Variants in PTPRD observed in about 807,000 individuals in gnomAD.
The protein encoded by PTPRD is receptor-type tyrosine-protein phosphatase delta.
In PTPRD, 34 loss-of-function variants were observed where a neutral mutation model predicts 214.5. That is an observed-to-expected ratio of 0.16 (90% confidence interval 0.12 to 0.21). PTPRD has a LOEUF of 0.21. PTPRD is among the 10% of genes least tolerant of loss of function. The pLI is 1.00. For synonymous variants in PTPRD, 1,128 were observed against 845.7 expected (o/e 1.33, Z -5.79); for missense variants, 2,545 against 2,398.7 (o/e 1.06, Z -1.27).
intron 5 of PTPRD, among the ~76,000 whole-genome samples, chr9:9,854,699 G>GT (rs543963693): frequency 1.8e-4 from 27 of 151,812 alleles, no homozygotes; most frequent in South Asian, 8.3e-4. Flanking sequence ...TTATAATCCA[G>GT]TTTTTTTTAA....
At chr9:10,018,195 G>C (rs1274149672) in intron 4 of PTPRD, among the ~76,000 whole-genome samples, 5 of 52,710 alleles carry the variant, frequency 9.5e-5, no homozygotes, top group Non-Finnish European at 3.8e-4. Context: ...AAGAGGAGGA[G>C]AGAGAGAGAA....
intron 8 of PTPRD, among the ~76,000 whole-genome samples, chr9:9,499,730 C>A (rs914045358): frequency 6.6e-6 from 1 of 151,962 alleles, no homozygotes; most frequent in Non-Finnish European, 1.5e-5. Context: ...ATACTTAAAA[C>A]AAAACACAAG....
chr9:10,579,589 G>A (rs2070924723), intron 2 of PTPRD, among the ~76,000 whole-genome samples: 1 of 152,158 alleles, frequency 6.6e-6, no homozygotes, highest in South Asian at 2.1e-4. Flanking sequence ...AAGCGCATGA[G>A]TGTTTTTGGT....
chr9:10,015,933 CCT>C (rs990479469), intron 4 of PTPRD, among the ~76,000 whole-genome samples: 2 of 152,048 alleles, frequency 1.3e-5, no homozygotes, highest in Non-Finnish European at 2.9e-5. Flanking sequence ...GTCCCATAAA[CCT>C]CTCTCTCTAA....
At chr9:9,341,368 G>A (rs2046732860) in intron 9 of PTPRD, among the ~76,000 whole-genome samples, 2 of 152,070 alleles carry the variant, frequency 1.3e-5, no homozygotes, top group African/African-American at 4.8e-5. Flanking sequence ...GCTCCAACGT[G>A]AACTCATTAT....
At chr9:8,330,147 G>A (rs1300101786) in intron 44 of PTPRD, among the ~76,000 whole-genome samples, 4 of 152,074 alleles carry the variant, frequency 2.6e-5, no homozygotes, top group African/African-American at 9.7e-5. Context: ...CTGACCCCTT[G>A]TGCTTCCTGG....
intron 7 of PTPRD, among the ~76,000 whole-genome samples, chr9:9,734,280 G>A (rs1284648736): frequency 2.6e-5 from 4 of 152,038 alleles, no homozygotes; most frequent in Admixed American, 2.6e-4. Context: ...AGAAACAAAT[G>A]CTCCCTCTGT....
chr9:8,945,455 G>C (rs1481524630), intron 11 of PTPRD, among the ~76,000 whole-genome samples: 1 of 151,558 alleles, frequency 6.6e-6, no homozygotes, highest in Non-Finnish European at 1.5e-5. Context: ...TTCTACTGCT[G>C]TCCTCACTTT....
Position 8,317,839 on chromosome 9 carries a change from G to T in PTPRD, c.*35C>A, listed in dbSNP as rs749698798. ...GAAGAGACTCCATGGATATTGAAGG[G>T]CCTGTAGTAAAAATCCAGAATGGGT... On this transcript the variant is annotated 3_prime_UTR_variant, in exon 46 of 46. Transcript: ENST00000381196. 1 of 1,593,040 alleles carries T rather than the reference G, an allele frequency of 6.3e-7. No homozygotes were observed. The highest frequency in any genetic ancestry group is 8.6e-7 in the Non-Finnish European group (1 of 1,161,678).
intron 21 of PTPRD, among the ~76,000 whole-genome samples, chr9:8,510,164 T>C (rs1356125354): frequency 6.6e-6 from 1 of 151,986 alleles, no homozygotes; most frequent in East Asian, 1.9e-4. Flanking sequence ...TGGTGGAGCA[T>C]GCCTGTAGTC....
chr9:9,122,493 T>A (rs183233654), intron 10 of PTPRD, among the ~76,000 whole-genome samples: 1 of 152,296 alleles, frequency 6.6e-6, no homozygotes, highest in African/African-American at 2.4e-5. Flanking sequence ...TGCTCTATTT[T>A]TTTCCTTTTT....
At chr9:10,606,628 A>C (rs538453459) in intron 2 of PTPRD, among the ~76,000 whole-genome samples, 3 of 151,544 alleles carry the variant, frequency 2.0e-5, no homozygotes, top group East Asian at 1.9e-4. Context: ...TGGTATAAAG[A>C]AGCTATATCT....
At chr9:9,354,654 A>T (rs1253361953) in intron 9 of PTPRD, among the ~76,000 whole-genome samples, 1 of 151,802 alleles carries the variant, frequency 6.6e-6, no homozygotes, top group African/African-American at 2.4e-5. Context: ...TAAGTAAATT[A>T]TCTAATGCAT....
chr9:9,862,342 G>C (rs61390446), intron 5 of PTPRD, among the ~76,000 whole-genome samples: 1 of 152,124 alleles, frequency 6.6e-6, no homozygotes, highest in African/African-American at 2.4e-5. Context: ...GTTAATGAAA[G>C]ATCTGCCCCA....
At position 9,465,673 on chromosome 9, in the gene PTPRD, T is replaced by C. The variant is rs900183595; in HGVS notation, c.-236-68191A>G. Among the ~76,000 whole-genome samples the C allele has an allele frequency of 2.0e-5, 3 of 152,164 alleles. No homozygotes were observed. In the East Asian group the frequency reaches 5.8e-4, roughly 29 times the overall value. ...GCCTTTTTCTATGCCCCAAACCCAA[T>C]GCGTTCTGGATCTAGAAAAGGCACC... On this transcript the variant is annotated intron_variant, in intron 8 of 45. Transcript: ENST00000381196.
At chr9:8,424,941 CTAA>C (rs1218036309) in intron 35 of PTPRD, among the ~76,000 whole-genome samples, 4 of 152,188 alleles carry the variant, frequency 2.6e-5, no homozygotes, top group Admixed American at 1.3e-4. Flanking sequence ...GATGGAAAGA[CTAA>C]TGTTTCCCAA....
At chr9:10,510,271 G>A (rs1201558971) in intron 2 of PTPRD, among the ~76,000 whole-genome samples, 1 of 151,982 alleles carries the variant, frequency 6.6e-6, no homozygotes, top group Admixed American at 6.6e-5. Context: ...GTCACAGCCT[G>A]CACTCCATGT....
chr9:8,736,538 T>C (rs988143188), intron 11 of PTPRD, among the ~76,000 whole-genome samples: 1 of 152,158 alleles, frequency 6.6e-6, no homozygotes, highest in Admixed American at 6.5e-5. Context: ...AGAATTATAA[T>C]GCAGATACCA....
rs113081437 is a variant in PTPRD at position 8,758,789 on chromosome 9, G to A, written c.-103-24843C>T. Among the ~76,000 whole-genome samples the A allele has an allele frequency of 7.0e-3, 1,046 of 149,838 alleles. 13 individuals are homozygous for A. The highest frequency in any genetic ancestry group is 0.025 in the African/African-American group (1,008 of 40,550). ...TTTTTTTTTTTTGAGATGGAGTCTCGCTCTGTCACCCAGGCTAGAGTGCAA... is the reference window on the plus strand; with the variant it reads ...TTTTTTTTTTTTGAGATGGAGTCTCACTCTGTCACCCAGGCTAGAGTGCAA... On this transcript the variant is annotated intron_variant, in intron 11 of 45. Transcript: ENST00000381196.
Sources: allele counts gnomAD v4.1 joint callset (sites outside exome capture counted in the v4.1 genomes callset), GRCh38; gene constraint gnomAD v4.1.1; transcripts MANE v1.5; gene names NCBI Gene and HGNC (gene_info 2026-07-23, HGNC 2026-07-21).